The following PPM1L variants were observed in gnomAD, a reference collection of about 807,000 sequenced individuals.
The protein encoded by PPM1L is protein phosphatase, Mg2+/Mn2+ dependent 1L, also known as protein phosphatase 1L.
Under a neutral mutation model 31.4 loss-of-function variants are expected in PPM1L, and 13 were observed. The ratio of observed to expected loss-of-function variants is 0.41; its 90% CI spans 0.27 to 0.66. The LOEUF is 0.66. Ranked by LOEUF, PPM1L falls within the 30% of genes least tolerant of loss-of-function variation. The probability of loss-of-function intolerance (pLI) is 0.29; values close to 1 mark genes in which losing one functional copy is unlikely to be tolerated. For missense variants in PPM1L, 326 were observed against 453.7 expected (o/e 0.72, Z 2.56); for synonymous variants, 184 against 175.4 (o/e 1.05, Z -0.39).
intron 1 of PPM1L, among the ~76,000 whole-genome samples, chr3:160,928,824 C>T (rs1039812783): frequency 6.6e-6 from 1 of 152,082 alleles, no homozygotes; most frequent in Non-Finnish European, 1.5e-5. Context: ...ACTGAACCTG[C>T]GAATACCTCG....
chr3:160,957,974 T>G (rs1267141607), intron 1 of PPM1L, among the ~76,000 whole-genome samples: 1 of 152,244 alleles, frequency 6.6e-6, no homozygotes, highest in Non-Finnish European at 1.5e-5. Context: ...GAAAAGTATC[T>G]GTTCGTGTCC....
chr3:161,057,854 C>T (rs1719457174), intron 2 of PPM1L, among the ~76,000 whole-genome samples: 1 of 151,780 alleles, frequency 6.6e-6, no homozygotes, highest in Non-Finnish European at 1.5e-5. Context: ...TCCTTAGAGC[C>T]AGAAAATGTT....
At chr3:161,037,109 C>G (rs373326580) in intron 2 of PPM1L, among the ~76,000 whole-genome samples, 1 of 152,050 alleles carries the variant, frequency 6.6e-6, no homozygotes, top group African/African-American at 2.4e-5. Context: ...TCTCTCATTG[C>G]GGTGGAACTT....
chr3:160,860,583 A>T (rs548870587), intron 1 of PPM1L, among the ~76,000 whole-genome samples: 11 of 152,216 alleles, frequency 7.2e-5, no homozygotes, highest in Non-Finnish European at 1.5e-4. Flanking sequence ...ATTAGCACTT[A>T]GACAGTGGAA....
intron 1 of PPM1L, among the ~76,000 whole-genome samples, chr3:160,942,282 T>C (rs886283873): frequency 6.6e-6 from 1 of 152,168 alleles, no homozygotes. Context: ...TTTGTAGAGA[T>C]GGGAGTCTTG....
chr3:160,848,644 A>T (rs1411128116), intron 1 of PPM1L, among the ~76,000 whole-genome samples: 2 of 152,120 alleles, frequency 1.3e-5, no homozygotes, highest in Non-Finnish European at 2.9e-5. Flanking sequence ...CTGTTCTGTG[A>T]CCATAATCCT....
intron 1 of PPM1L, among the ~76,000 whole-genome samples, chr3:160,813,014 G>A (rs973597885): frequency 6.6e-6 from 1 of 152,052 alleles, no homozygotes; most frequent in African/African-American, 2.4e-5. Context: ...TATTCCTTTT[G>A]TCCTCTTTGG....
intron 1 of PPM1L, among the ~76,000 whole-genome samples, chr3:160,833,899 A>T (rs1223487248): frequency 6.6e-6 from 1 of 151,144 alleles, no homozygotes; most frequent in Non-Finnish European, 1.5e-5. Flanking sequence ...GGGTTTTTAT[A>T]GTTTTGGGAT....
chr3:161,048,744 G>T (rs1214480546), intron 2 of PPM1L, among the ~76,000 whole-genome samples: 1 of 151,954 alleles, frequency 6.6e-6, no homozygotes, highest in Non-Finnish European at 1.5e-5. Context: ...GGAATACTAT[G>T]CTGCCATAAA....
Position 160,919,411 on chromosome 3 carries a change from A to G in PPM1L, c.400-42325A>G, listed in dbSNP as rs547158924. Among the ~76,000 whole-genome samples the G allele has an allele frequency of 1.1e-3, 169 of 152,326 alleles. 6 individuals are homozygous for G. The South Asian group carries it at 0.014, about 13-fold the overall frequency. On this transcript the variant is annotated intron_variant, in intron 1 of 3. Transcript: ENST00000498165. The stretch of plus-strand genomic sequence containing the variant: ...ATTTTGACAATGTTGTCTTAAATAT[A>G]AAAAGGCACACAAAAATTTTTCTTA...
At chr3:160,964,746 A>G (rs1033103587) in intron 2 of PPM1L, among the ~76,000 whole-genome samples, 1 of 152,040 alleles carries the variant, frequency 6.6e-6, no homozygotes, top group African/African-American at 2.4e-5. Context: ...TCATCTCTGC[A>G]TGAGGTGATG....
At chr3:160,955,956 G>C (rs563907156) in intron 1 of PPM1L, among the ~76,000 whole-genome samples, 23 of 152,150 alleles carry the variant, frequency 1.5e-4, no homozygotes, top group African/African-American at 5.3e-4. Context: ...GCTGGGCCGA[G>C]TTTTCTTTTT....
chr3:161,027,402 T>C (rs1027479351), intron 2 of PPM1L, among the ~76,000 whole-genome samples: 3 of 151,800 alleles, frequency 2.0e-5, no homozygotes, highest in African/African-American at 2.4e-5. Flanking sequence ...GGAAAAAGGG[T>C]TTAATGGACG....
chr3:160,829,516 A>G (rs1713456538), intron 1 of PPM1L, among the ~76,000 whole-genome samples: 1 of 152,192 alleles, frequency 6.6e-6, no homozygotes, highest in African/African-American at 2.4e-5. Flanking sequence ...CTCAACTGCC[A>G]GAGAGGGAGG....
intron 2 of PPM1L, among the ~76,000 whole-genome samples, chr3:161,017,460 A>G (rs1718117510): frequency 6.6e-6 from 1 of 152,108 alleles, no homozygotes; most frequent in African/African-American, 2.4e-5. Flanking sequence ...AAAAACCTTC[A>G]AGTTTCGAGT....
At chr3:160,913,010 G>A (rs2108064238) in intron 1 of PPM1L, among the ~76,000 whole-genome samples, 1 of 152,198 alleles carries the variant, frequency 6.6e-6, no homozygotes, top group South Asian at 2.1e-4. Flanking sequence ...ACTGTGATGG[G>A]GTAAGATGAA....
At chr3:160,903,047 A>ATG in intron 1 of PPM1L, among the ~76,000 whole-genome samples, 1 of 152,282 alleles carries the variant, frequency 6.6e-6, no homozygotes, top group South Asian at 2.1e-4. Context: ...AAAAAGGTGG[A>ATG]TAGTAATACA....
intron 1 of PPM1L, among the ~76,000 whole-genome samples, chr3:160,778,699 T>A (rs1711641210): frequency 6.6e-6 from 1 of 152,178 alleles, no homozygotes; most frequent in Admixed American, 6.5e-5. Context: ...TGAAGACATA[T>A]GAGTTGTCAC....
At chr3:160,970,316 A>G (rs1716281527) in intron 2 of PPM1L, among the ~76,000 whole-genome samples, 2 of 152,300 alleles carry the variant, frequency 1.3e-5, no homozygotes, top group African/African-American at 2.4e-5. Context: ...TAATAACAGT[A>G]GGAAGAGGGG....
Sources: allele counts gnomAD v4.1 joint callset (sites outside exome capture counted in the v4.1 genomes callset), GRCh38; gene constraint gnomAD v4.1.1; transcripts MANE v1.5; gene names NCBI Gene and HGNC (gene_info 2026-07-23, HGNC 2026-07-21).